TANGO2: variants seen among roughly 807,000 people sequenced by gnomAD.
TANGO2 encodes the protein transport and golgi organization 2 homolog.
Under a neutral mutation model 39.1 loss-of-function variants are expected in TANGO2, and 26 were observed. The ratio of observed to expected loss-of-function variants is 0.67; its 90% CI spans 0.49 to 0.92. The LOEUF (loss-of-function observed/expected upper bound fraction) is 0.92, where lower values mean the gene tolerates loss of function less well. Ranked by LOEUF, TANGO2 falls within the 40% of genes least tolerant of loss-of-function variation. TANGO2 has a pLI of 0.00. For missense variants in TANGO2, 326 were observed against 360.1 expected (o/e 0.91, Z 0.77); for synonymous variants, 131 against 144.5 (o/e 0.91, Z 0.67).
At chr22:20,045,156 C>T (rs2044874059) in intron 3 of TANGO2, among the ~76,000 whole-genome samples, 2 of 152,052 alleles carry the variant, frequency 1.3e-5, no homozygotes. Context: ...ATGAAATCAC[C>T]CTGGGCCGGT....
At chr22:20,056,323 C>T in intron 6 of TANGO2, 1 of 595,544 alleles carries the variant, frequency 1.7e-6, no homozygotes, top group Non-Finnish European at 3.2e-6. Flanking sequence ...TCCCAGTGTG[C>T]CCTGTGCCTG....
Position 20,064,703 on chromosome 22 carries a change from T to C in TANGO2, c.*41T>C, listed in dbSNP as rs779360380. 5.8e-5 allele frequency: 93 copies of C among 1,609,864 alleles called. No individual in the cohort carries two copies. The Admixed American group carries it at 1.0e-3, about 18-fold the overall frequency. On this transcript the variant is annotated 3_prime_UTR_variant, in exon 9 of 9. Coordinates refer to ENST00000327374, the MANE Select transcript of TANGO2 (RefSeq NM_152906.7). ...TGGCCAGTGGGCTCCTGGGGGGCCC[T>C]GCCTTGAGGGGCACTGTGGACAGGA...
At chr22:20,029,252 G>A (rs1427424732) in intron 1 of TANGO2, among the ~76,000 whole-genome samples, 1 of 152,182 alleles carries the variant, frequency 6.6e-6, no homozygotes, top group Non-Finnish European at 1.5e-5. Flanking sequence ...CTAGGCTGGA[G>A]AGGGGATTCT....
chr22:20,022,870 A>G (rs2039984451), intron 1 of TANGO2, among the ~76,000 whole-genome samples: 1 of 152,250 alleles, frequency 6.6e-6, no homozygotes, highest in Non-Finnish European at 1.5e-5. Flanking sequence ...CTTGTCATTG[A>G]CACTCCAGAT....
At chr22:20,023,456 G>A (rs2040116288) in intron 1 of TANGO2, among the ~76,000 whole-genome samples, 1 of 152,224 alleles carries the variant, frequency 6.6e-6, no homozygotes, top group African/African-American at 2.4e-5. Context: ...TCTTGTTTGT[G>A]CTATTCCTTG....
At chr22:20,018,292 A>G (rs1043555011), upstream of TANGO2, among the ~76,000 whole-genome samples, 5 of 152,236 alleles carry the variant, frequency 3.3e-5, no homozygotes, top group Non-Finnish European at 5.9e-5. Flanking sequence ...GGGCAGAATG[A>G]AGTAGCTGTC....
chr22:20,022,276 C>G (rs2039858741), intron 1 of TANGO2, among the ~76,000 whole-genome samples: 2 of 152,216 alleles, frequency 1.3e-5, no homozygotes, highest in Admixed American at 1.3e-4. Context: ...CTGGGCCACT[C>G]TCTTAGGAGT....
chr22:20,046,452 G>T (rs1368780186), intron 3 of TANGO2, among the ~76,000 whole-genome samples: 1 of 147,436 alleles, frequency 6.8e-6, no homozygotes, highest in South Asian at 2.2e-4. Flanking sequence ...CCCAGCCAAG[G>T]CTGGGTAATT....
intron 1 of TANGO2, among the ~76,000 whole-genome samples, chr22:20,030,713 C>T (rs1342171243): frequency 6.6e-6 from 1 of 152,122 alleles, no homozygotes; most frequent in Non-Finnish European, 1.5e-5. Flanking sequence ...GATCCACCCG[C>T]CTTGGCTTCC....
In TANGO2 at chr22:20,043,459, T is replaced by C; in HGVS notation, c.145+16T>C. 1 of 1,583,410 alleles carries C rather than the reference T, an allele frequency of 6.3e-7. No homozygotes were observed. The highest frequency in any genetic ancestry group is 8.7e-7 in the Non-Finnish European group (1 of 1,153,562). On this transcript the variant is annotated intron_variant, in intron 3 of 8. Transcript: ENST00000327374. ...ATCCTCAGTGGTGAGTCTTCCTGCG[T>C]GCTCAGCGGTGGCTGCGCCTTGTTG...
chr22:20,034,532 G>T (rs1441593913), intron 1 of TANGO2, among the ~76,000 whole-genome samples: 1 of 152,174 alleles, frequency 6.6e-6, no homozygotes, highest in Non-Finnish European at 1.5e-5. Context: ...AACTGTGCTT[G>T]GCTTGTGGGT....
At chr22:20,023,170 G>A (rs1052918953) in intron 1 of TANGO2, among the ~76,000 whole-genome samples, 4 of 152,208 alleles carry the variant, frequency 2.6e-5, no homozygotes, top group East Asian at 1.9e-4. Context: ...TTCTCCCAGC[G>A]GCTGCTCCCC....
intron 1 of TANGO2, among the ~76,000 whole-genome samples, chr22:20,024,289 G>A (rs2040306518): frequency 6.6e-6 from 1 of 152,252 alleles, no homozygotes; most frequent in South Asian, 2.1e-4. Context: ...GCGGAGATAG[G>A]AGGGAGCAGG....
At chr22:20,042,171 A>G (rs934056558) in intron 2 of TANGO2, among the ~76,000 whole-genome samples, 1 of 150,978 alleles carries the variant, frequency 6.6e-6, no homozygotes, top group African/African-American at 2.4e-5. Flanking sequence ...TTTTTTGTAG[A>G]TATGGGGTCT....
chr22:20,053,172 G>A (rs750499994), intron 4 of TANGO2, among the ~76,000 whole-genome samples: 21 of 152,034 alleles, frequency 1.4e-4, no homozygotes, highest in Non-Finnish European at 2.5e-4. Context: ...CCCACTGAAA[G>A]GTGTTGTTTA....
At chr22:20,035,827 G>A (rs986043248) in intron 1 of TANGO2, among the ~76,000 whole-genome samples, 2 of 152,194 alleles carry the variant, frequency 1.3e-5, no homozygotes, top group Admixed American at 6.5e-5. Flanking sequence ...GGACAGTCTT[G>A]AAGGAAGAAT....
chr22:20,067,134 G>A lies in TANGO2; in HGVS notation c.*2472G>A, dbSNP rs1212648012. ...ATCCTTATAAAAAGAGGAACATTTA[G>A]GCTGGATACAGTGGCTCATGCCTAT... is the stretch of plus-strand genomic sequence containing the variant. On this transcript the variant is annotated 3_prime_UTR_variant, in exon 9 of 9. Coordinates refer to ENST00000327374, the MANE Select transcript of TANGO2 (RefSeq NM_152906.7). The A allele has an allele frequency of 6.6e-6, 1 of 152,090 alleles. No individual in the cohort carries two copies. The highest frequency in any genetic ancestry group is 1.5e-5 in the Non-Finnish European group (1 of 68,038). The allele number at this position is 152,090 out of a possible 1,614,324, so 9.4% of individuals were successfully genotyped here. A position where few individuals can be genotyped will look rare whatever the true frequency, so the allele number is the denominator to read the frequency against.
Position 20,064,780 on chromosome 22 carries a change from C to CCCGGAT in TANGO2, c.*120_*125dup. 5 of 1,322,358 alleles carry CCCGGAT rather than the reference C, an allele frequency of 3.8e-6. No individual in the cohort carries two copies. Among genetic ancestry groups the CCCGGAT allele is most frequent in the Non-Finnish European group, 4.1e-6 (4 of 970,962 alleles). 81.9% of individuals were successfully genotyped at this position (1,322,358 alleles called of 1,614,324 possible). A position where few individuals can be genotyped will look rare whatever the true frequency, so the allele number is the denominator to read the frequency against. The stretch of plus-strand genomic sequence containing the variant: ...ACTGCCCGTGGCTTGGCCAGCATCC[C>CCCGGAT]CCGGATCAGGGCCCTGTGGTTTGCG... On this transcript the variant is annotated 3_prime_UTR_variant, in exon 9 of 9. Transcript: ENST00000327374.
intron 3 of TANGO2, among the ~76,000 whole-genome samples, chr22:20,050,642 G>A (rs367712970): frequency 4.0e-5 from 6 of 149,014 alleles, no homozygotes; most frequent in South Asian, 2.1e-4. Context: ...GATTACAGGC[G>A]TGAGCCACTG....
Sources: gnomAD v4.1 joint callset for allele counts (sites outside exome capture counted in the v4.1 genomes callset) on GRCh38, gnomAD v4.1.1 for gene constraint, MANE v1.5 for transcripts, NCBI Gene and HGNC (gene_info 2026-07-23, HGNC 2026-07-21) for gene names.